The following RNF216 variants were observed in gnomAD, a reference collection of about 807,000 sequenced individuals.
The protein encoded by RNF216 is ring finger protein 216.
A neutral mutation model predicts 110.8 loss-of-function variants in RNF216; 72 were observed. The observed-to-expected ratio is 0.65, with a 90% CI of 0.54 to 0.79. The LOEUF (loss-of-function observed/expected upper bound fraction) is 0.79, where lower values mean the gene tolerates loss of function less well. Ranked by LOEUF, RNF216 falls within the 30% of genes least tolerant of loss-of-function variation. The pLI is 0.00. For synonymous variants in RNF216, 495 were observed against 407.5 expected (o/e 1.21, Z -2.59); for missense variants, 1,342 against 1,141.2 (o/e 1.18, Z -2.54).
chr7:5,644,842 TG>T (rs1163160705), intron 14 of RNF216, among the ~76,000 whole-genome samples: 1 of 150,408 alleles, frequency 6.6e-6, no homozygotes, highest in African/African-American at 2.5e-5. Context: ...TTTTTTTTTT[TG>T]AAACGGAGTC....
intron 13 of RNF216, among the ~76,000 whole-genome samples, chr7:5,692,854 T>C (rs1448305899): frequency 6.6e-6 from 1 of 152,220 alleles, no homozygotes; most frequent in African/African-American, 2.4e-5. Flanking sequence ...GGGTATACAA[T>C]GTGACACATG....
At chr7:5,779,656 T>TA (rs34915284) in intron 1 of RNF216, among the ~76,000 whole-genome samples, 96 of 112,512 alleles carry the variant, frequency 8.5e-4, no homozygotes, top group African/African-American at 2.7e-3. Context: ...CTCCGTCTCT[T>TA]AAAAAAAAAA....
intron 14 of RNF216, among the ~76,000 whole-genome samples, chr7:5,642,219 T>C (rs1400633651): frequency 6.7e-6 from 1 of 148,572 alleles, no homozygotes; most frequent in Non-Finnish European, 1.5e-5. Flanking sequence ...TCTGTTTTGT[T>C]TTTTTTTTTT....
chr7:5,780,996 C>T (rs1018892261), intron 1 of RNF216, among the ~76,000 whole-genome samples: 6 of 152,242 alleles, frequency 3.9e-5, no homozygotes, highest in Non-Finnish European at 7.3e-5. Context: ...GCCCCCAGCG[C>T]CCCGCAGAAG....
At chr7:5,634,343 C>T (rs59987579) in intron 15 of RNF216, among the ~76,000 whole-genome samples, 6,393 of 152,292 alleles carry the variant, frequency 0.042, 181 homozygotes, top group East Asian at 0.092. Context: ...TCATGTGTGG[C>T]CACAGCTGTT....
chr7:5,763,375 A>T (rs1399060873), intron 1 of RNF216, among the ~76,000 whole-genome samples: 2 of 152,182 alleles, frequency 1.3e-5, no homozygotes, highest in Non-Finnish European at 2.9e-5. Context: ...TCACACCTGT[A>T]ATCCCAGCAC....
At chr7:5,722,090 A>AT (rs533314839) in intron 8 of RNF216, among the ~76,000 whole-genome samples, 130 of 152,048 alleles carry the variant, frequency 8.5e-4, no homozygotes, top group African/African-American at 3.0e-3. Context: ...CACCCAGCTA[A>AT]TTTTTTTGTA....
rs139337390 is a variant in RNF216 at position 5,712,786 on chromosome 7, G to A, written c.1911C>T (p.Thr637=). The A allele has an allele frequency of 3.1e-6, 5 of 1,614,006 alleles. No individual in the cohort carries two copies. In the East Asian group the frequency reaches 1.1e-4, roughly 36 times the overall value. Residue 637 remains threonine, a synonymous_variant, in exon 12 of 17, where the codon ACC becomes ACT. Transcript: ENST00000389902. ...TSELEKVLPQ[T]ILYKYYERKA... ...TTCGCTCATAGTACTTATACAGGATGGTCTGGGGGAGCACCTTCTCCAGCT... is the reference window on the plus strand; with the variant it reads ...TTCGCTCATAGTACTTATACAGGATAGTCTGGGGGAGCACCTTCTCCAGCT...
At chr7:5,758,882 T>C (rs142618248) in intron 2 of RNF216, among the ~76,000 whole-genome samples, 123 of 152,262 alleles carry the variant, frequency 8.1e-4, no homozygotes, top group Admixed American at 2.9e-3. Context: ...CAATTGTATT[T>C]AGCAATGTGA....
intron 15 of RNF216, among the ~76,000 whole-genome samples, chr7:5,625,453 C>T (rs761202374): frequency 9.2e-5 from 14 of 152,150 alleles, no homozygotes; most frequent in Non-Finnish European, 1.9e-4. Context: ...TTTTTCATGC[C>T]GATCTGATGA....
At chr7:5,628,038 C>A (rs1316494250) in intron 15 of RNF216, among the ~76,000 whole-genome samples, 1 of 152,202 alleles carries the variant, frequency 6.6e-6, no homozygotes, top group East Asian at 1.9e-4. Context: ...CTGGAGGACA[C>A]TGCAGATAGA....
Position 5,741,595 on chromosome 7 carries a change from C to G in RNF216, c.422G>C (p.Gly141Ala). 6.2e-7 allele frequency: 1 copy of G among 1,614,154 alleles called. No individual in the cohort carries two copies. Among genetic ancestry groups the G allele is most frequent in the East Asian group, 2.2e-5 (1 of 44,878 alleles). ...ACTTGGCTTAGTGAATTCAGAGATT[C>G]CAGGAGGCCCAAGATCCAGAAATTC... ...YGEFLDLGPPGISEFTKPSGQ... is the reference protein window; with the variant it reads ...YGEFLDLGPPAISEFTKPSGQ... The change falls in exon 4 of 17, where the codon GGA (glycine) becomes GCA (alanine). Residue 141 changes from glycine to alanine, a missense_variant. Physicochemically the swap from Gly to Ala is moderately conservative, Grantham distance 60. Coordinates refer to ENST00000389902, the MANE Select transcript of RNF216 (RefSeq NM_207111.4).
intron 13 of RNF216, chr7:5,662,635 A>T (rs996327318): frequency 6.6e-6 from 1 of 152,360 alleles, no homozygotes; most frequent in Non-Finnish European, 1.5e-5. Flanking sequence ...AGAGCCTTCC[A>T]TCAGTGCCGC....
At chr7:5,772,589 A>G (rs1796553702) in intron 1 of RNF216, among the ~76,000 whole-genome samples, 2 of 152,162 alleles carry the variant, frequency 1.3e-5, no homozygotes, top group African/African-American at 4.8e-5. Flanking sequence ...CCTCAGAGGC[A>G]GTAAGCCCCA....
intron 1 of RNF216, among the ~76,000 whole-genome samples, chr7:5,771,897 G>GA (rs1282618282): frequency 2.0e-5 from 3 of 152,068 alleles, no homozygotes; most frequent in Non-Finnish European, 4.4e-5. Context: ...ATAAATAAAT[G>GA]AAAAAGTGTC....
At chr7:5,657,289 C>G (rs1049041650) in intron 13 of RNF216, among the ~76,000 whole-genome samples, 3 of 152,170 alleles carry the variant, frequency 2.0e-5, no homozygotes, top group Admixed American at 6.5e-5. Context: ...GAGACTGGGC[C>G]GGGTGCAGTG....
At chr7:5,670,784 A>G (rs1789854666) in intron 13 of RNF216, among the ~76,000 whole-genome samples, 1 of 152,248 alleles carries the variant, frequency 6.6e-6, no homozygotes, top group African/African-American at 2.4e-5. Flanking sequence ...CTTAATCCAT[A>G]GCCCAAATTC....
Position 5,620,600 on chromosome 7 carries a change from AG to A in RNF216, c.*2259del, listed in dbSNP as rs954166021. ...ATCCTCAGGAATCAGGGACCCTCCA[AG>A]GAAAGAGGCCGCCGCTCCTTCCCCA... On this transcript the variant is annotated 3_prime_UTR_variant, in exon 17 of 17. Coordinates refer to ENST00000389902, the MANE Select transcript of RNF216 (RefSeq NM_207111.4). 6.6e-6 allele frequency: 1 copy of A among 152,376 alleles called. No homozygotes were observed. The highest frequency in any genetic ancestry group is 6.5e-5 in the Admixed American group (1 of 15,288). The allele number at this position is 152,376 out of a possible 1,614,324, so 9.4% of individuals were successfully genotyped here.
At chr7:5,629,093 G>A (rs2128558009) in intron 15 of RNF216, among the ~76,000 whole-genome samples, 1 of 151,882 alleles carries the variant, frequency 6.6e-6, no homozygotes, top group East Asian at 1.9e-4. Context: ...CAGCTACTCT[G>A]GAAGCTGAGG....
Sources: allele counts gnomAD v4.1 joint callset (sites outside exome capture counted in the v4.1 genomes callset), GRCh38; gene constraint gnomAD v4.1.1; transcripts MANE v1.5; gene names NCBI Gene and HGNC (gene_info 2026-07-23, HGNC 2026-07-21).